Variants in CASS4 observed in about 807,000 individuals in gnomAD.
CASS4 encodes the protein cas scaffolding protein family member 4.
In CASS4, 22 loss-of-function variants were observed where a neutral mutation model predicts 54.2. The ratio of observed to expected loss-of-function variants is 0.41; its 90% CI spans 0.29 to 0.58. The LOEUF is 0.58. CASS4 is among the 20% of genes least tolerant of loss of function. CASS4 has a pLI of 0.36. For synonymous variants in CASS4, 409 were observed against 391.5 expected, an observed-to-expected ratio of 1.04 and a Z score of -0.53; for missense variants, 854 against 986.7, an observed-to-expected ratio of 0.87 and a Z score of 1.80.
At chr20:56,448,803 A>C (rs1980852212) in intron 3 of CASS4, among the ~76,000 whole-genome samples, 1 of 152,200 alleles carries the variant, frequency 6.6e-6, no homozygotes, top group African/African-American at 2.4e-5. Flanking sequence ...TCATATATAT[A>C]TCTCAAGCCA....
Position 56,458,931 on chromosome 20 carries a change from G to A in CASS4, c.*184G>A. 1.7e-6 allele frequency: 1 copy of A among 595,174 alleles called. No individual in the cohort carries two copies. Among genetic ancestry groups the A allele is most frequent in the Non-Finnish European group, 3.0e-6 (1 of 338,976 alleles). The allele number at this position is 595,174 out of a possible 1,614,324, so 36.9% of individuals were successfully genotyped here. A position where few individuals can be genotyped will look rare whatever the true frequency, so the allele number is the denominator to read the frequency against. ...AGGGCATTGACTTACCCCGCAGGGG[G>A]TCAGGAAAGAGAGTCAGGTATGAGG... On this transcript the variant is annotated 3_prime_UTR_variant, in exon 6 of 6. Coordinates refer to ENST00000679887, the MANE Select transcript of CASS4 (RefSeq NM_020356.4).
At chr20:56,438,901 A>G (rs1353967969) in intron 2 of CASS4, among the ~76,000 whole-genome samples, 2 of 152,214 alleles carry the variant, frequency 1.3e-5, no homozygotes, top group African/African-American at 2.4e-5. Context: ...GGAATTCTGT[A>G]TGTGAGTGTG....
intron 1 of CASS4, among the ~76,000 whole-genome samples, chr20:56,416,308 C>G (rs1333724365): frequency 6.6e-6 from 1 of 152,156 alleles, no homozygotes; most frequent in Admixed American, 6.6e-5. Flanking sequence ...TCTCAGCCTC[C>G]CAAAGTGCTG....
intron 2 of CASS4, among the ~76,000 whole-genome samples, chr20:56,438,659 C>A (rs1308987995): frequency 6.6e-6 from 1 of 152,136 alleles, no homozygotes; most frequent in Non-Finnish European, 1.5e-5. Flanking sequence ...GAGTTCGAGA[C>A]CAGCCTGGCC....
chr20:56,448,421 A>C (rs1980831195), intron 3 of CASS4, among the ~76,000 whole-genome samples: 1 of 152,086 alleles, frequency 6.6e-6, no homozygotes, highest in South Asian at 2.1e-4. Context: ...CATCCACAGC[A>C]CGGCTGCCAC....
chr20:56,437,583 A>G lies in CASS4; in HGVS notation c.456A>G (p.Lys152=). ...IICEKTLSFP[K]QAILTLPRPV... The stretch of plus-strand genomic sequence containing the variant: ...GTGAAAAGACTCTCAGCTTTCCAAA[A>G]CAGGTACGCATACTTCCACCTACTA... Residue 152 remains lysine, a synonymous_variant, in exon 2 of 6, where the codon AAA becomes AAG. Coordinates refer to ENST00000679887, the MANE Select transcript of CASS4 (RefSeq NM_020356.4). The surrounding 1 kb of genome is among the most constrained non-coding windows in gnomAD (Gnocchi z 4.7). The G allele has an allele frequency of 2.0e-6, 3 of 1,530,556 alleles. No individual in the cohort carries two copies. The highest frequency in any genetic ancestry group is 2.1e-5 in the Admixed American group (1 of 47,518). The allele number at this position is 1,530,556 out of a possible 1,614,324, so 94.8% of individuals were successfully genotyped here.
At chr20:56,453,267 T>C (rs1981132918) in intron 5 of CASS4, 138 bp downstream of exon 5, 5 of 652,414 alleles carry the variant, frequency 7.7e-6, no homozygotes, top group Non-Finnish European at 1.0e-5. Flanking sequence ...AAATAAAATT[T>C]ATGAAAGTAA....
Position 56,458,553 on chromosome 20 carries a change from G to C in CASS4, c.2167G>C (p.Glu723Gln), listed in dbSNP as rs140104775. The C allele has an allele frequency of 2.5e-6, 4 of 1,613,972 alleles. No homozygotes were observed. In the African/African-American group the frequency reaches 5.3e-5, roughly 22 times the overall value. The change falls in exon 6 of 6, where the codon GAG becomes CAG. Residue 723 changes from glutamate to glutamine, a missense_variant. Glu to Gln is a conservative substitution (Grantham distance 29). Transcript: ENST00000679887. ...GQKLVDTLCM[E>Q]TQERDVRNEI... ...GAAGCTGGTGGACACGCTGTGCATG[G>C]AGACCCAGGAGAGGGACGTGCGCAA...
chr20:56,434,662 G>T (rs1980070434), intron 1 of CASS4, among the ~76,000 whole-genome samples: 1 of 151,438 alleles, frequency 6.6e-6, no homozygotes, highest in Non-Finnish European at 1.5e-5. Context: ...TGCCAGGATG[G>T]TCTCAAACTC....
intron 1 of CASS4, among the ~76,000 whole-genome samples, chr20:56,433,162 C>T (rs192612816): frequency 2.0e-5 from 3 of 152,322 alleles, no homozygotes; most frequent in African/African-American, 7.2e-5. Context: ...GAGTTGAACC[C>T]TAATGTGACA....
intron 2 of CASS4, among the ~76,000 whole-genome samples, chr20:56,441,074 T>C (rs1402161338): frequency 6.6e-6 from 1 of 150,976 alleles, no homozygotes; most frequent in Non-Finnish European, 1.5e-5. Flanking sequence ...CTGCAACCTC[T>C]GCCTCCTGGG....
intron 1 of CASS4, among the ~76,000 whole-genome samples, chr20:56,429,927 A>G (rs1346133909): frequency 6.6e-6 from 1 of 151,870 alleles, no homozygotes; most frequent in Non-Finnish European, 1.5e-5. Flanking sequence ...TTTTCTTTCC[A>G]TCTCACTTAC....
At chr20:56,417,882 G>T (rs763974572) in intron 1 of CASS4, among the ~76,000 whole-genome samples, 1 of 152,188 alleles carries the variant, frequency 6.6e-6, no homozygotes, top group African/African-American at 2.4e-5. Context: ...TGTTGCCTTA[G>T]ATGCAAGCTG....
rs770573097 is a variant in CASS4 at position 56,452,931 on chromosome 20, G to C, written c.1755G>C (p.Arg585Ser). ...CCTCCATTGTCATTGCCAATGGAAG[G>C]CTCCTTTTTAAGCGGAACTGTGAAA... ...RFASIVIANGRLLFKRNCEKE... is the reference protein window; with the variant it reads ...RFASIVIANGSLLFKRNCEKE... Residue 585 changes from arginine (R) to serine (S), a missense_variant, in exon 5 of 6, where the codon AGG becomes AGC. By Grantham distance (110) the Arg-to-Ser change is moderately radical (BLOSUM62 -1). Coordinates refer to ENST00000679887, the MANE Select transcript of CASS4 (RefSeq NM_020356.4). 6.2e-7 allele frequency: 1 copy of C among 1,614,060 alleles called. No homozygotes were observed. Among genetic ancestry groups the C allele is most frequent in the Non-Finnish European group, 8.5e-7 (1 of 1,180,028 alleles).
At chr20:56,423,502 TC>T (rs1359875724) in intron 1 of CASS4, among the ~76,000 whole-genome samples, 1 of 152,212 alleles carries the variant, frequency 6.6e-6, no homozygotes, top group Admixed American at 6.5e-5. Flanking sequence ...TATATTCTAT[TC>T]TATTAAGTTT....
rs1979039852 is a variant in CASS4 at position 56,414,557 on chromosome 20, G to A, written c.36+2063G>A. Among the ~76,000 whole-genome samples the A allele has an allele frequency of 6.6e-6, 1 of 151,882 alleles. No individual in the cohort carries two copies. The highest frequency in any genetic ancestry group is 6.6e-5 in the Admixed American group (1 of 15,260). On this transcript the variant is annotated intron_variant, in intron 1 of 5. Transcript: ENST00000679887. This position sits in a 1 kb window ranked among gnomAD's most constrained non-coding sequence, Gnocchi z 4.1. ...GCCTCCCAAGTACAGGATTACAGGTGCACACCACCGAGCCCCACTGCAATT... is the reference window on the plus strand; with the variant it reads ...GCCTCCCAAGTACAGGATTACAGGTACACACCACCGAGCCCCACTGCAATT...
intron 5 of CASS4, among the ~76,000 whole-genome samples, chr20:56,454,788 C>A (rs1310676729): frequency 6.6e-6 from 1 of 152,230 alleles, no homozygotes; most frequent in Non-Finnish European, 1.5e-5. Context: ...CGCTCTATTG[C>A]TAGATTCGTC....
chr20:56,437,406 C>T lies in CASS4; in HGVS notation c.279C>T (p.Ser93=). 1 of 1,614,078 alleles carries T rather than the reference C, an allele frequency of 6.2e-7. No homozygotes were observed. Among genetic ancestry groups the T allele is most frequent in the South Asian group, 1.1e-5 (1 of 91,088 alleles). ...GAGGCCTGGAAGAAGCTCCTGCCAG[C>T]TCAGAGGAGACCTATCAGGTGCCCA... The part of the protein sequence containing the change: ...FLRGLEEAPA[S]SEETYQVPTL... The change falls in exon 2 of 6, where the codon AGC becomes AGT. Residue 93 remains serine, a synonymous_variant. Coordinates refer to ENST00000679887, the MANE Select transcript of CASS4 (RefSeq NM_020356.4). The surrounding 1 kb of genome is among the most constrained non-coding windows in gnomAD (Gnocchi z 4.7).
At chr20:56,431,503 C>T (rs1979902410) in intron 1 of CASS4, among the ~76,000 whole-genome samples, 1 of 152,164 alleles carries the variant, frequency 6.6e-6, no homozygotes, top group South Asian at 2.1e-4. Flanking sequence ...TTTTCCTTTG[C>T]TGGGAGTTTA....
Sources: allele counts gnomAD v4.1 joint callset (sites outside exome capture counted in the v4.1 genomes callset), GRCh38; gene constraint gnomAD v4.1.1; non-coding constraint Gnocchi (gnomAD v3.1); transcripts MANE v1.5; gene names NCBI Gene and HGNC (gene_info 2026-07-23, HGNC 2026-07-21).